Variants in C20orf96 observed in about 807,000 individuals in gnomAD.
C20orf96 encodes the protein chromosome 20 open reading frame 96, also known as uncharacterized protein C20orf96.
C20orf96 carries 57 observed loss-of-function variants against 52.6 expected under a neutral mutation model. The ratio of observed to expected loss-of-function variants is 1.08; its 90% CI spans 0.88 to 1.35. The LOEUF (loss-of-function observed/expected upper bound fraction) is 1.35. Ranked by LOEUF, C20orf96 falls within the 40% of genes most tolerant of loss-of-function variation. C20orf96 has a pLI of 0.00. For synonymous variants in C20orf96, 168 were observed against 157.2 expected (o/e 1.07, Z -0.51); for missense variants, 478 against 443.6 (o/e 1.08, Z -0.70).
Position 277,150 on chromosome 20 carries a change from GA to G in C20orf96, c.724-6del. On this transcript the variant is annotated splice_polypyrimidine_tract_variant and splice_region_variant and intron_variant, in intron 7 of 10. Coordinates refer to ENST00000360321, the MANE Select transcript of C20orf96 (RefSeq NM_153269.3). ...ACCGAGGTCATCCAGCTCATCCTGGGAGCCAGCAGAAGGGTGTTGGTCACCA... is the reference window on the plus strand; with the variant it reads ...ACCGAGGTCATCCAGCTCATCCTGGGGCCAGCAGAAGGGTGTTGGTCACCA... 6.2e-7 allele frequency: 1 copy of G among 1,613,808 alleles called. No homozygotes were observed. The highest frequency in any genetic ancestry group is 8.5e-7 in the Non-Finnish European group (1 of 1,179,808).
chr20:290,127 G>T, intron 2 of C20orf96, 132 bp downstream of exon 2: 1 of 680,348 alleles, frequency 1.5e-6, no homozygotes, highest in Non-Finnish European at 2.5e-6. Flanking sequence ...ACAGCAAAGT[G>T]TGACCCGGCT....
intron 5 of C20orf96, among the ~76,000 whole-genome samples, chr20:278,643 C>T (rs1402903378): frequency 6.6e-6 from 1 of 151,684 alleles, no homozygotes; most frequent in Non-Finnish European, 1.5e-5. Context: ...GAGGTGTTTG[C>T]AAATGCTGTT....
chr20:284,649 A>G (rs2122306370), intron 3 of C20orf96, among the ~76,000 whole-genome samples: 2 of 152,394 alleles, frequency 1.3e-5, no homozygotes, highest in East Asian at 3.9e-4. Flanking sequence ...TGTGGTCAAC[A>G]GTTCAAGATC....
At chr20:277,614 T>C (rs557958057) in intron 6 of C20orf96, among the ~76,000 whole-genome samples, 1 of 152,274 alleles carries the variant, frequency 6.6e-6, no homozygotes, top group South Asian at 2.1e-4. Context: ...AATTGGTGCA[T>C]GATCCCTAGA....
At chr20:282,311 G>A (rs1046548986) in intron 4 of C20orf96, among the ~76,000 whole-genome samples, 2 of 152,048 alleles carry the variant, frequency 1.3e-5, no homozygotes, top group African/African-American at 4.8e-5. Context: ...TCTTTCTCTT[G>A]TTGATTGTCA....
At chr20:286,583 G>T (rs2012392789) in intron 3 of C20orf96, among the ~76,000 whole-genome samples, 1 of 148,292 alleles carries the variant, frequency 6.7e-6, no homozygotes, top group Admixed American at 6.8e-5. Context: ...GGAGGGGAGA[G>T]GAAAAGGAAA....
rs547279800 is a variant in C20orf96 at position 281,954 on chromosome 20, G to A, written c.306+2009C>T. Among the ~76,000 whole-genome samples the A allele has an allele frequency of 9.2e-5, 14 of 152,274 alleles. No homozygotes were observed. In the South Asian group the frequency reaches 1.2e-3, roughly 14 times the overall value. On this transcript the variant is annotated intron_variant, in intron 4 of 10. Transcript: ENST00000360321. The stretch of plus-strand genomic sequence containing the variant: ...TGCGCTCCAGCCTGGATGACACAGC[G>A]AGACCCTGTCTCAATCAGTCAATGT...
chr20:275,935 G>A (rs777488680), intron 10 of C20orf96, 33 bp downstream of exon 10: 17 of 1,586,042 alleles, frequency 1.1e-5, no homozygotes, highest in Middle Eastern at 3.3e-4. Context: ...GAGTGTGACT[G>A]GTTTAAGAGG....
chr20:289,464 G>C (rs906766541), intron 3 of C20orf96, 95 bp downstream of exon 3: 5 of 777,660 alleles, frequency 6.4e-6, no homozygotes, highest in Non-Finnish European at 1.2e-5. Flanking sequence ...ACATCAGTTA[G>C]CCTACCCTAA....
At chr20:289,405 T>C (rs574382605) in intron 3 of C20orf96, among the ~76,000 whole-genome samples, 154 bp downstream of exon 3, 2 of 152,190 alleles carry the variant, frequency 1.3e-5, no homozygotes, top group Non-Finnish European at 2.9e-5. Flanking sequence ...GTGGCATAAA[T>C]GAGATATAAA....
chr20:280,766 A>G (rs1432688442), intron 4 of C20orf96, among the ~76,000 whole-genome samples: 1 of 152,244 alleles, frequency 6.6e-6, no homozygotes, highest in African/African-American at 2.4e-5. Flanking sequence ...ACCATCTAAG[A>G]GAATCTGGGC....
Position 273,243 on chromosome 20 carries a change from G to T in C20orf96, c.1032-1976C>A, listed in dbSNP as rs180813188. 3.9e-3 allele frequency among the ~76,000 whole-genome samples: 595 copies of T among 152,306 alleles called. 6 individuals carry two copies. Among genetic ancestry groups the T allele is most frequent in the African/African-American group, 0.014 (567 of 41,564 alleles). On this transcript the variant is annotated intron_variant, in intron 10 of 10. Coordinates refer to ENST00000360321, the MANE Select transcript of C20orf96 (RefSeq NM_153269.3). ...TCCCACCTTGGCCTCCCAAAACGCT[G>T]AGATTACAGGCATGAGCCACCACAC...
At position 279,089 on chromosome 20, in the gene C20orf96, C is replaced by CTT. The variant is rs2012158734; in HGVS notation, c.465+82_465+83insAA. On this transcript the variant is annotated intron_variant, in intron 5 of 10. Coordinates refer to ENST00000360321, the MANE Select transcript of C20orf96 (RefSeq NM_153269.3). The stretch of plus-strand genomic sequence containing the variant: ...GAGGGAGGGAGGGAGGGACGGAGGG[C>CTT]GGGACGGAGGGACGGAGGGAGGGAG... 6 of 568,458 alleles carry CTT rather than the reference C, an allele frequency of 1.1e-5. 1 individual carries two copies. In the African/African-American group the frequency reaches 6.5e-4, roughly 62 times the overall value. The allele number at this position is 568,458 out of a possible 1,614,324, so 35.2% of individuals were successfully genotyped here.
At position 279,208 on chromosome 20, in the gene C20orf96, G is replaced by C. The variant is rs750115099; in HGVS notation, c.429C>G (p.His143Gln). 3.7e-6 allele frequency: 6 copies of C among 1,608,120 alleles called. No individual in the cohort carries two copies. The highest frequency in any genetic ancestry group is 2.5e-6 in the Non-Finnish European group (3 of 1,178,550). The change falls in exon 5 of 11, where the codon CAC becomes CAG. Residue 143 changes from histidine (H) to glutamine (Q), a missense_variant. Coordinates refer to ENST00000360321, the MANE Select transcript of C20orf96 (RefSeq NM_153269.3). ...CCTGCTGCTGCAGCAGGGCCCGCACGTGCAGGGTCGTGCTGTTCTCCATCT... is the reference window on the plus strand; with the variant it reads ...CCTGCTGCTGCAGCAGGGCCCGCACCTGCAGGGTCGTGCTGTTCTCCATCT... Reference protein sequence around the residue: ...IQEMENSTTLHVRALLQQQDT... With the variant: ...IQEMENSTTLQVRALLQQQDT...
At chr20:279,106 G>GGGC (rs2012162161) in intron 5 of C20orf96, 66 bp downstream of exon 5, 2 of 964,418 alleles carry the variant, frequency 2.1e-6, no homozygotes, top group Non-Finnish European at 2.8e-6. Flanking sequence ...GAGGGACGGA[G>GGGC]GGAGGGAGGG....
Position 270,968 on chromosome 20 carries a change from A to G in C20orf96, c.*239T>C. On this transcript the variant is annotated 3_prime_UTR_variant, in exon 11 of 11. Coordinates refer to ENST00000360321, the MANE Select transcript of C20orf96 (RefSeq NM_153269.3). ...CCAGAAAGAAGGGAAGAAGAGAGGA[A>G]AAAACCACAGGAAGAAAGAAAGGAG... is the stretch of plus-strand genomic sequence containing the variant. The G allele has an allele frequency of 2.0e-6, 1 of 504,600 alleles. No homozygotes were observed. Among genetic ancestry groups the G allele is most frequent in the Non-Finnish European group, 3.5e-6 (1 of 285,206 alleles). 31.3% of individuals were successfully genotyped at this position (504,600 alleles called of 1,614,324 possible).
At chr20:277,419 G>T (rs772720027) in intron 6 of C20orf96, 36 bp from the exon 7 acceptor site, 3 of 1,608,650 alleles carry the variant, frequency 1.9e-6, no homozygotes. Context: ...AGGGACAGGA[G>T]GCAAGACCTT....
intron 10 of C20orf96, among the ~76,000 whole-genome samples, chr20:273,899 A>AAGGAAGGG (rs1306641484): frequency 3.4e-5 from 2 of 59,030 alleles, no homozygotes; most frequent in Non-Finnish European, 6.3e-5. Flanking sequence ...GGAAGAAAGG[A>AAGGAAGGG]AGGAAGGGAG....
intron 3 of C20orf96, among the ~76,000 whole-genome samples, chr20:285,094 T>A (rs2012350075): frequency 6.6e-6 from 1 of 152,218 alleles, no homozygotes; most frequent in African/African-American, 2.4e-5. Flanking sequence ...CATTACCAGT[T>A]GTTACTCTTA....
Sources: allele counts gnomAD v4.1 joint callset (sites outside exome capture counted in the v4.1 genomes callset), GRCh38; gene constraint gnomAD v4.1.1; transcripts MANE v1.5; gene names NCBI Gene and HGNC (gene_info 2026-07-23, HGNC 2026-07-21).